IGSF22: variants seen among roughly 807,000 people sequenced by gnomAD.
IGSF22 encodes immunoglobulin superfamily member 22.
IGSF22 carries 119 observed loss-of-function variants against 127.0 expected under a neutral mutation model. The ratio of observed to expected loss-of-function variants is 0.94; its 90% confidence interval spans 0.81 to 1.09. IGSF22 has a LOEUF of 1.09. Among genes scored for constraint, IGSF22 ranks in the 50% least tolerant of loss-of-function variants. The pLI, the probability that IGSF22 is intolerant of heterozygous loss-of-function variation, is 0.00. For missense variants in IGSF22, 1,518 were observed against 1,716.6 expected (o/e 0.88, Z 2.04); for synonymous variants, 568 against 664.7 (o/e 0.85, Z 2.24).
At chr11:18,707,260 A>G (rs770752940) in intron 20 of IGSF22, 47 bp from the exon 21 acceptor site, 81 of 1,456,432 alleles carry the variant, frequency 5.6e-5, no homozygotes, top group Non-Finnish European at 7.0e-5. Flanking sequence ...CACCTGAAGT[A>G]TTATGTCCCC....
Position 18,707,014 on chromosome 11 carries a change from G to A in IGSF22, c.3480C>T (p.Leu1160=), listed in dbSNP as rs1372190348. ...FSNKYTVTGL[L]PGRKYYFRVV... ...CTCTGAAGTAGTACTTCCTGCCTGG[G>A]AGCAGCCCCGTCACTGTGTACTTGT... The change falls in exon 21 of 23, where the codon CTC becomes CTT. Residue 1160 remains leucine (L), a synonymous_variant. Coordinates refer to ENST00000513874, the MANE Select transcript of IGSF22 (RefSeq NM_173588.4). 1 of 1,551,458 alleles carries A rather than the reference G, an allele frequency of 6.4e-7. No individual in the cohort carries two copies.
intron 2 of IGSF22, among the ~76,000 whole-genome samples, chr11:18,723,581 C>A (rs1455905013): frequency 6.6e-6 from 1 of 152,256 alleles, no homozygotes; most frequent in Admixed American, 6.5e-5. Flanking sequence ...GACTAAAACA[C>A]TCTGTTCAGC....
At chr11:18,721,827 G>C in intron 3 of IGSF22, 83 bp downstream of exon 3, 3 of 1,593,754 alleles carry the variant, frequency 1.9e-6, no homozygotes, top group Non-Finnish European at 2.6e-6. Flanking sequence ...AGCATTGGAG[G>C]TCGTTGGGGT....
chr11:18,723,404 G>A (rs1848604296), intron 2 of IGSF22, among the ~76,000 whole-genome samples: 2 of 152,238 alleles, frequency 1.3e-5, no homozygotes, highest in Non-Finnish European at 2.9e-5. Context: ...CACTGGCCAG[G>A]AGGTGTTGGT....
chr11:18,712,081 C>G lies in IGSF22; in HGVS notation c.2398+1G>C. 1 of 1,548,792 alleles carries G rather than the reference C, an allele frequency of 6.5e-7. No homozygotes were observed. Among genetic ancestry groups the G allele is most frequent in the South Asian group, 1.2e-5 (1 of 83,652 alleles). ...ACTGAGCACCAGGCTATCTCACTGA[C>G]CTATGGGATTTCCTGCAAACACTTC... is the stretch of plus-strand genomic sequence containing the variant. On this transcript the variant is annotated splice_donor_variant, in intron 15 of 22. Transcript: ENST00000513874. LOFTEE classifies it high-confidence loss of function.
chr11:18,704,815 G>A (rs1848190535), intron 22 of IGSF22: 1 of 382,304 alleles, frequency 2.6e-6, no homozygotes, highest in Admixed American at 3.7e-5. Context: ...AAGGTCACAT[G>A]GCTGGTCAGT....
chr11:18,722,492 C>T (rs960710281), intron 2 of IGSF22, among the ~76,000 whole-genome samples: 1 of 152,074 alleles, frequency 6.6e-6, no homozygotes, highest in African/African-American at 2.4e-5. Context: ...GCATTCATTG[C>T]CTTGGGAGTA....
chr11:18,706,458 C>G, intron 21 of IGSF22: 1 of 446,504 alleles, frequency 2.2e-6, no homozygotes, highest in Non-Finnish European at 4.0e-6. Context: ...CCTTTAACTC[C>G]GCCTCCAAGC....
chr11:18,706,194 A>C, intron 21 of IGSF22, 48 bp from the exon 22 acceptor site: 1 of 1,468,564 alleles, frequency 6.8e-7, no homozygotes, highest in Non-Finnish European at 9.1e-7. Context: ...CAAGGCCCCC[A>C]CCCACCACCC....
Position 18,709,707 on chromosome 11 carries a change from C to CA in IGSF22, c.2702-25dup. 6.2e-7 allele frequency: 1 copy of CA among 1,601,172 alleles called. No individual in the cohort carries two copies. Among genetic ancestry groups the CA allele is most frequent in the Non-Finnish European group, 8.5e-7 (1 of 1,172,126 alleles). Reference sequence around the variant, plus strand: ...TTCTGGGGTAGAACAGACATGTAGTCAGCCCCTCCAACTCATCTCCACTCA... The same window carrying CA: ...TTCTGGGGTAGAACAGACATGTAGTCAAGCCCCTCCAACTCATCTCCACTCA... On this transcript the variant is annotated intron_variant, in intron 17 of 22. Transcript: ENST00000513874. This position sits in a 1 kb window ranked among gnomAD's most constrained non-coding sequence, Gnocchi z 4.8.
At position 18,721,957 on chromosome 11, in the gene IGSF22, C is replaced by T. The variant is rs1294731116; in HGVS notation, c.194G>A (p.Ser65Asn). The T allele has an allele frequency of 6.2e-7, 1 of 1,613,978 alleles. No individual in the cohort carries two copies. Among genetic ancestry groups the T allele is most frequent in the Non-Finnish European group, 8.5e-7 (1 of 1,180,040 alleles). Residue 65 changes from serine to asparagine, a missense_variant, in exon 3 of 23, where the codon AGC (serine) becomes AAC (asparagine). By Grantham distance (46) the Ser-to-Asn change is conservative. Transcript: ENST00000513874. ...AGGCTTCTCCACGAACTCAGGGACG[C>T]TGTCGCCCGCAGGGATGTTTGAGCT... is the stretch of plus-strand genomic sequence containing the variant. ...TRSSNIPAGD[S>N]VPEFVEKPQP...
At chr11:18,706,548 C>T (rs1848237891) in intron 21 of IGSF22, 1 of 359,646 alleles carries the variant, frequency 2.8e-6, no homozygotes. Flanking sequence ...GACGCGGCCC[C>T]CACCCTTAAC....
At chr11:18,715,062 G>A (rs1342258059) in intron 11 of IGSF22, among the ~76,000 whole-genome samples, 1 of 149,274 alleles carries the variant, frequency 6.7e-6, no homozygotes, top group Non-Finnish European at 1.5e-5. Flanking sequence ...ATTGGGGGTT[G>A]AGGGTAGCCA....
chr11:18,723,452 C>T lies in IGSF22; in HGVS notation c.109+676G>A, dbSNP rs1019358657. On this transcript the variant is annotated intron_variant, in intron 2 of 22. Coordinates refer to ENST00000513874, the MANE Select transcript of IGSF22 (RefSeq NM_173588.4). ...TTTATCTGGCCTTGACCTCTGTGCA[C>T]GGAGGACTTTGAGGGACTCTATCCC... 8.5e-5 allele frequency among the ~76,000 whole-genome samples: 13 copies of T among 152,196 alleles called. No individual in the cohort carries two copies. In the East Asian group the frequency reaches 1.3e-3, roughly 16 times the overall value.
rs1253069163 is a variant in IGSF22 at position 18,706,969 on chromosome 11, G to A, written c.3525C>T (p.Ile1175=). ...TGGAGTCAAGTGGCTCACTGTCACC[G>A]ATTTCATTCCGAGCCACCACTCTGA... is the stretch of plus-strand genomic sequence containing the variant. ...YYFRVVARNE[I]GDSEPLDSRD... The change falls in exon 21 of 23, where the codon ATC becomes ATT. Residue 1175 remains isoleucine, a synonymous_variant. Coordinates refer to ENST00000513874, the MANE Select transcript of IGSF22 (RefSeq NM_173588.4). 6 of 1,542,328 alleles carry A rather than the reference G, an allele frequency of 3.9e-6. No individual in the cohort carries two copies. Among genetic ancestry groups the A allele is most frequent in the Middle Eastern group, 1.7e-4 (1 of 5,950 alleles).
chr11:18,710,952 CT>C, intron 15 of IGSF22, 124 bp from the exon 16 acceptor site: 4 of 853,116 alleles, frequency 4.7e-6, no homozygotes, highest in Non-Finnish European at 5.4e-6. Context: ...TTTCTTTTTC[CT>C]TTTTTAGAGA....
chr11:18,707,154 G>C lies in IGSF22; in HGVS notation c.3340C>G (p.Leu1114Val). Residue 1114 changes from leucine to valine, a missense_variant, in exon 21 of 23, where the codon CTG (leucine) becomes GTG (valine). Around this residue, in one of 3 missense-constraint regions of IGSF22, gnomAD observed 1,456 missense variants for 1,644.9 expected, o/e 0.89. Coordinates refer to ENST00000513874, the MANE Select transcript of IGSF22 (RefSeq NM_173588.4). ...ACATCTGGGCTGTGGTTCCAGGTCA[G>C]AGTCACTGTGTTGGGGACTTCCTCA... Reference protein sequence around the residue: ...LFEEVPNTVTLTWNHSPDVQE... With the variant: ...LFEEVPNTVTVTWNHSPDVQE... The C allele has an allele frequency of 6.4e-7, 1 of 1,551,312 alleles. No individual in the cohort carries two copies. The highest frequency in any genetic ancestry group is 1.2e-5 in the South Asian group (1 of 83,994).
chr11:18,707,350 A>C, intron 20 of IGSF22, 137 bp from the exon 21 acceptor site: 1 of 768,792 alleles, frequency 1.3e-6, no homozygotes, highest in Non-Finnish European at 2.0e-6. Flanking sequence ...TCGGAAAACT[A>C]TTTCTGAAGT....
chr11:18,710,461 A>G lies in IGSF22; in HGVS notation c.2573-6T>C, dbSNP rs752949246. 1 of 1,614,032 alleles carries G rather than the reference A, an allele frequency of 6.2e-7. No individual in the cohort carries two copies. Among genetic ancestry groups the G allele is most frequent in the East Asian group, 2.2e-5 (1 of 44,888 alleles). ...ATCCACAGTGCACTTGGTGCCTGAA[A>G]TGGGAAGATGAGGGGTCGTGAGGCC... On this transcript the variant is annotated splice_region_variant and splice_polypyrimidine_tract_variant and intron_variant, in intron 16 of 22. Coordinates refer to ENST00000513874, the MANE Select transcript of IGSF22 (RefSeq NM_173588.4).
Sources: allele counts gnomAD v4.1 joint callset (sites outside exome capture counted in the v4.1 genomes callset), GRCh38; gene constraint gnomAD v4.1.1; regional missense constraint gnomAD v4.1.1; non-coding constraint Gnocchi (gnomAD v3.1); transcripts MANE v1.5; gene names NCBI Gene and HGNC (gene_info 2026-07-23, HGNC 2026-07-21).